CNTN5: variants seen among roughly 807,000 people sequenced by gnomAD.
The protein encoded by CNTN5 is contactin 5.
In CNTN5, 77 loss-of-function variants were observed where a neutral mutation model predicts 129.1. The observed-to-expected ratio is 0.60, with a 90% confidence interval of 0.50 to 0.72. The LOEUF is 0.72. Ranked by LOEUF, CNTN5 falls within the 30% of genes least tolerant of loss-of-function variation. The pLI, the probability that CNTN5 is intolerant of heterozygous loss-of-function variation, is 0.00. For synonymous variants in CNTN5, 509 were observed against 465.6 expected, an observed-to-expected ratio of 1.09 and a Z score of -1.20; for missense variants, 1,478 against 1,328.8, an observed-to-expected ratio of 1.11 and a Z score of -1.75.
At chr11:99,557,605 A>C (rs1204698132) in intron 3 of CNTN5, among the ~76,000 whole-genome samples, 1 of 151,538 alleles carries the variant, frequency 6.6e-6, no homozygotes, top group African/African-American at 2.4e-5. Flanking sequence ...CATTTAAGCT[A>C]TATTTTTTAA....
intron 1 of CNTN5, among the ~76,000 whole-genome samples, chr11:99,060,613 T>C (rs1198726903): frequency 6.6e-6 from 1 of 151,954 alleles, no homozygotes; most frequent in Non-Finnish European, 1.5e-5. Context: ...GATTTTTTTT[T>C]CATTATAGAG....
At chr11:99,207,397 A>G (rs538752173) in intron 1 of CNTN5, among the ~76,000 whole-genome samples, 2 of 152,232 alleles carry the variant, frequency 1.3e-5, no homozygotes, top group East Asian at 1.9e-4. Context: ...TAATAATTGT[A>G]TCATATTGCT....
chr11:99,669,456 G>T (rs1952940848), intron 3 of CNTN5, among the ~76,000 whole-genome samples: 1 of 79,232 alleles, frequency 1.3e-5, no homozygotes, highest in Non-Finnish European at 3.0e-5. Flanking sequence ...GTGTGTGTGT[G>T]TGTGTGTGTG....
At chr11:99,181,178 T>G (rs1222652173) in intron 1 of CNTN5, among the ~76,000 whole-genome samples, 4 of 152,156 alleles carry the variant, frequency 2.6e-5, no homozygotes, top group Non-Finnish European at 4.4e-5. Flanking sequence ...GGGACTATTA[T>G]CCTGGATGTT....
chr11:100,208,888 G>A (rs1323646037), intron 15 of CNTN5, among the ~76,000 whole-genome samples: 1 of 152,134 alleles, frequency 6.6e-6, no homozygotes, highest in African/African-American at 2.4e-5. Flanking sequence ...TACTGTCAGC[G>A]ATCAGGTCAA....
At chr11:99,593,138 T>C (rs1489711745) in intron 3 of CNTN5, among the ~76,000 whole-genome samples, 1 of 152,158 alleles carries the variant, frequency 6.6e-6, no homozygotes, top group Non-Finnish European at 1.5e-5. Flanking sequence ...GCCCTGGATT[T>C]CCCTATTCTG....
intron 1 of CNTN5, among the ~76,000 whole-genome samples, chr11:99,314,090 C>G (rs2135978150): frequency 6.6e-6 from 1 of 151,864 alleles, no homozygotes; most frequent in East Asian, 1.9e-4. Flanking sequence ...CGTGTATAAA[C>G]AAATTTCAAT....
intron 6 of CNTN5, among the ~76,000 whole-genome samples, chr11:99,912,940 A>G (rs1230029656): frequency 1.3e-5 from 2 of 151,530 alleles, no homozygotes; most frequent in African/African-American, 4.8e-5. Flanking sequence ...TTTTATTTTT[A>G]CTCCCTTTTA....
chr11:99,956,898 A>G lies in CNTN5; in HGVS notation c.766A>G (p.Ile256Val), dbSNP rs200451910. The change falls in exon 8 of 25, where the codon ATT becomes GTT. Residue 256 changes from isoleucine (I) to valine (V), a missense_variant. Transcript: ENST00000524871. ...FISQETGNLY[I>V]SKVQTSDVGS... ...CTCCCAGGAGACAGGCAACCTTTAT[A>G]TTTCTAAAGTCCAAACATCAGATGT... 3.9e-5 allele frequency: 63 copies of G among 1,613,766 alleles called. 1 individual carries two copies. Among genetic ancestry groups the G allele is most frequent in the Middle Eastern group, 1.6e-4 (1 of 6,084 alleles).
At chr11:99,543,025 C>T (rs1416965740) in intron 2 of CNTN5, among the ~76,000 whole-genome samples, 2 of 152,256 alleles carry the variant, frequency 1.3e-5, no homozygotes, top group South Asian at 2.1e-4. Context: ...TCTGGTATGC[C>T]TTATTTGGCC....
chr11:99,765,184 A>G (rs2135301297), intron 3 of CNTN5, among the ~76,000 whole-genome samples: 1 of 152,162 alleles, frequency 6.6e-6, no homozygotes, highest in Admixed American at 6.6e-5. Flanking sequence ...CTCTATTAGA[A>G]AGACTAAGAA....
At chr11:100,084,217 T>G (rs1336609968) in intron 13 of CNTN5, among the ~76,000 whole-genome samples, 1 of 152,170 alleles carries the variant, frequency 6.6e-6, no homozygotes, top group African/African-American at 2.4e-5. Context: ...TCACAGGTTT[T>G]TCTTTTCCAA....
Position 99,649,050 on chromosome 11 carries a change from T to C in CNTN5, c.55+92781T>C, listed in dbSNP as rs1409699349. 4.0e-5 allele frequency among the ~76,000 whole-genome samples: 6 copies of C among 151,754 alleles called. No homozygotes were observed. The South Asian group carries it at 6.2e-4, about 16-fold the overall frequency. On this transcript the variant is annotated intron_variant, in intron 3 of 24. Transcript: ENST00000524871. Reference sequence around the variant, plus strand: ...CAAATATTTTCAATAAGAGAAGATATTGAAAGTTCCCAATAAACAAAAAAT... The same window carrying C: ...CAAATATTTTCAATAAGAGAAGATACTGAAAGTTCCCAATAAACAAAAAAT...
intron 9 of CNTN5, among the ~76,000 whole-genome samples, chr11:100,025,481 G>T (rs1414775896): frequency 6.6e-6 from 1 of 152,190 alleles, no homozygotes; most frequent in East Asian, 1.9e-4. Context: ...GCCTACTGTA[G>T]CTGTGAGAAG....
chr11:100,257,041 T>A (rs185164375), intron 17 of CNTN5, among the ~76,000 whole-genome samples: 1 of 152,226 alleles, frequency 6.6e-6, no homozygotes, highest in Non-Finnish European at 1.5e-5. Flanking sequence ...CAGCAAGCTA[T>A]AAGATTCACG....
chr11:100,027,434 C>A (rs372796397), intron 9 of CNTN5, among the ~76,000 whole-genome samples: 2 of 152,146 alleles, frequency 1.3e-5, no homozygotes, highest in Non-Finnish European at 2.9e-5. Context: ...TCTTAGTACT[C>A]GAACAAATGC....
chr11:100,001,440 T>C (rs1833489), intron 8 of CNTN5, among the ~76,000 whole-genome samples: 58,073 of 152,058 alleles, frequency 0.38, 12,719 homozygotes, highest in African/African-American at 0.6. Context: ...CAAACCATAT[T>C]GGTGCATAAT....
chr11:99,906,667 G>C (rs998952491), intron 6 of CNTN5, among the ~76,000 whole-genome samples: 8 of 152,250 alleles, frequency 5.3e-5, no homozygotes, highest in African/African-American at 1.4e-4. Context: ...CATAAAATGA[G>C]TTAGAGAGGA....
chr11:100,225,613 A>T (rs12793321), intron 16 of CNTN5, among the ~76,000 whole-genome samples: 64,312 of 151,838 alleles, frequency 0.42, 14,104 homozygotes, highest in Non-Finnish European at 0.48. Context: ...TTAATGAACA[A>T]TGACAAAATA....
Sources: allele counts gnomAD v4.1 joint callset (sites outside exome capture counted in the v4.1 genomes callset), GRCh38; gene constraint gnomAD v4.1.1; transcripts MANE v1.5; gene names NCBI Gene and HGNC (gene_info 2026-07-23, HGNC 2026-07-21).